Variants in RBFOX1 observed in about 807,000 individuals in gnomAD.
The protein encoded by RBFOX1 is RNA binding protein fox-1 homolog 1.
A neutral mutation model predicts 57.7 loss-of-function variants in RBFOX1; 8 were observed. The ratio of observed to expected loss-of-function variants is 0.14; its 90% CI spans 0.08 to 0.25. The LOEUF (loss-of-function observed/expected upper bound fraction) is 0.25. Ranked by LOEUF, RBFOX1 falls within the 10% of genes least tolerant of loss-of-function variation. The pLI, the probability that RBFOX1 is intolerant of heterozygous loss-of-function variation, is 1.00. For synonymous variants in RBFOX1, 326 were observed against 222.4 expected (o/e 1.47, Z -4.15); for missense variants, 611 against 548.5 (o/e 1.11, Z -1.14).
chr16:6,976,448 G>C (rs527770911), intron 3 of RBFOX1, among the ~76,000 whole-genome samples: 5 of 152,030 alleles, frequency 3.3e-5, no homozygotes, highest in Non-Finnish European at 5.9e-5. Flanking sequence ...TATTGGTTTT[G>C]TTCCAGGAAA....
At chr16:6,795,983 A>G (rs1353556506) in intron 3 of RBFOX1, among the ~76,000 whole-genome samples, 1 of 152,076 alleles carries the variant, frequency 6.6e-6, no homozygotes, top group Admixed American at 6.5e-5. Context: ...AGGAAACCAA[A>G]GTTTTAAAAT....
intron 2 of RBFOX1, among the ~76,000 whole-genome samples, chr16:6,325,398 T>G (rs1449188965): frequency 1.3e-5 from 2 of 152,132 alleles, no homozygotes; most frequent in African/African-American, 4.8e-5. Context: ...GAAAGCAAAT[T>G]TCACCTGCAT....
At chr16:7,667,072 G>T (rs991781919) in intron 13 of RBFOX1, among the ~76,000 whole-genome samples, 1 of 152,174 alleles carries the variant, frequency 6.6e-6, no homozygotes, top group Non-Finnish European at 1.5e-5. Flanking sequence ...TTCAGTGGGG[G>T]AGCATCACAT....
At chr16:5,350,053 G>A (rs1463210115) in intron 1 of RBFOX1, among the ~76,000 whole-genome samples, 1 of 152,238 alleles carries the variant, frequency 6.6e-6, no homozygotes, top group Non-Finnish European at 1.5e-5. Context: ...ACTGGCGCTT[G>A]CGTGAGAGGA....
intron 3 of RBFOX1, among the ~76,000 whole-genome samples, chr16:5,708,630 G>C (rs2051339604): frequency 6.6e-6 from 1 of 152,092 alleles, no homozygotes; most frequent in African/African-American, 2.4e-5. Flanking sequence ...ATGGTTCATA[G>C]ATTCTCCCCC....
chr16:7,680,297 T>C (rs1006616662), intron 14 of RBFOX1, among the ~76,000 whole-genome samples: 4 of 152,196 alleles, frequency 2.6e-5, no homozygotes, highest in East Asian at 1.9e-4. Flanking sequence ...AAAGATTCCC[T>C]GTTTGATCAA....
At chr16:7,260,869 A>C (rs2094892085) in intron 4 of RBFOX1, among the ~76,000 whole-genome samples, 1 of 152,190 alleles carries the variant, frequency 6.6e-6, no homozygotes, top group South Asian at 2.1e-4. Flanking sequence ...CTATCTAATT[A>C]AGAGCTGGGG....
chr16:6,395,275 G>A (rs2092777725), intron 2 of RBFOX1, among the ~76,000 whole-genome samples: 1 of 152,128 alleles, frequency 6.6e-6, no homozygotes, highest in Non-Finnish European at 1.5e-5. Flanking sequence ...AGACGTGGTG[G>A]AAAATGCCAA....
chr16:6,306,486 C>G (rs770036178), intron 1 of RBFOX1, among the ~76,000 whole-genome samples: 1 of 152,162 alleles, frequency 6.6e-6, no homozygotes, highest in African/African-American at 2.4e-5. Context: ...TGTAAGAAGT[C>G]TACTGATTTC....
rs995121635 is a variant in RBFOX1 at position 5,946,212 on chromosome 16, C to T, written c.351+78877C>T. ...CCGAGGTGGGGGCCAGGCTCTGCCA[C>T]ATTAGATGCCTTCACGTCTCTAAGT... is the stretch of plus-strand genomic sequence containing the variant. On this transcript the variant is annotated intron_variant, in intron 4 of 19. Coordinates refer to the RBFOX1 transcript ENST00000641259. This position sits in a 1 kb window ranked among gnomAD's most constrained non-coding sequence, Gnocchi z 4.6. Among the ~76,000 whole-genome samples, 2 of 152,208 alleles carry T rather than the reference C, an allele frequency of 1.3e-5. No homozygotes were observed. The highest frequency in any genetic ancestry group is 1.3e-4 in the Admixed American group (2 of 15,282).
intron 14 of RBFOX1, among the ~76,000 whole-genome samples, chr16:7,702,945 T>C (rs2148261496): frequency 6.6e-6 from 1 of 152,302 alleles, no homozygotes; most frequent in Middle Eastern, 3.4e-3. Flanking sequence ...TGGGTGCAGG[T>C]TACCTTCTGA....
At chr16:5,906,384 A>T (rs1333583601) in intron 4 of RBFOX1, among the ~76,000 whole-genome samples, 1 of 152,254 alleles carries the variant, frequency 6.6e-6, no homozygotes, top group African/African-American at 2.4e-5. Flanking sequence ...ATGTTTCTGC[A>T]AAGAATTCCA....
At position 5,478,598 on chromosome 16, in the gene RBFOX1, A is replaced by AC. The variant is rs934190009; in HGVS notation, c.258+11350dup. Reference sequence around the variant, plus strand: ...AGAAGCGCTAACAAATTCTAATATGACCCCCCAAGATTCCGATGTGCAGAA... The same window carrying AC: ...AGAAGCGCTAACAAATTCTAATATGACCCCCCCAAGATTCCGATGTGCAGAA... On this transcript the variant is annotated intron_variant, in intron 2 of 2. Coordinates refer to the RBFOX1 transcript ENST00000585867. Among the ~76,000 whole-genome samples the AC allele has an allele frequency of 2.6e-5, 4 of 152,226 alleles. No homozygotes were observed. In the East Asian group the frequency reaches 5.8e-4, roughly 22 times the overall value.
intron 4 of RBFOX1, among the ~76,000 whole-genome samples, chr16:6,003,281 C>CAAA (rs59758084): frequency 9.3e-4 from 72 of 77,570 alleles, no homozygotes; most frequent in African/African-American, 1.3e-3. Flanking sequence ...ACTCTGTCTC[C>CAAA]AAAAAAAAAA....
chr16:7,193,785 C>T (rs2086014761), intron 4 of RBFOX1, among the ~76,000 whole-genome samples: 2 of 152,254 alleles, frequency 1.3e-5, no homozygotes, highest in Middle Eastern at 3.4e-3. Context: ...TAGACTCTAG[C>T]ACAACAGGTC....
chr16:5,513,306 G>A (rs867250257), intron 2 of RBFOX1, among the ~76,000 whole-genome samples: 3 of 152,140 alleles, frequency 2.0e-5, no homozygotes, highest in Non-Finnish European at 4.4e-5. Flanking sequence ...TCTGTCTGAC[G>A]TTTCGATTAG....
chr16:6,484,962 G>C (rs1265499467), intron 2 of RBFOX1, among the ~76,000 whole-genome samples: 3 of 152,096 alleles, frequency 2.0e-5, no homozygotes, highest in African/African-American at 7.2e-5. Flanking sequence ...TAAATTGTTT[G>C]GCTTAAAATG....
intron 2 of RBFOX1, among the ~76,000 whole-genome samples, chr16:6,415,704 CA>C (rs1053449974): frequency 2.0e-5 from 3 of 151,976 alleles, no homozygotes; most frequent in African/African-American, 7.2e-5. Context: ...GTGCCTCAAA[CA>C]AAAAACAAAA....
chr16:6,060,071 G>T (rs2095663338), intron 1 of RBFOX1, among the ~76,000 whole-genome samples: 1 of 129,838 alleles, frequency 7.7e-6, no homozygotes, highest in African/African-American at 3.0e-5. Flanking sequence ...AGGATACATT[G>T]TTTAAAAAAA....
Sources: allele counts gnomAD v4.1 joint callset (sites outside exome capture counted in the v4.1 genomes callset), GRCh38; gene constraint gnomAD v4.1.1; non-coding constraint Gnocchi (gnomAD v3.1); transcripts MANE v1.5; gene names NCBI Gene and HGNC (gene_info 2026-07-23, HGNC 2026-07-21).